The following INTS7 variants were observed in gnomAD, a reference collection of about 807,000 sequenced individuals.
The protein encoded by INTS7 is integrator complex subunit 7, also known as chromosome 1 open reading frame 73.
Under a neutral mutation model 109.2 loss-of-function variants are expected in INTS7, and 46 were observed. That is an observed-to-expected ratio of 0.42 (90% CI 0.33 to 0.54). INTS7 has a LOEUF of 0.54. Ranked by LOEUF, INTS7 falls within the 20% of genes least tolerant of loss-of-function variation. The pLI is 0.07. For synonymous variants in INTS7, 412 were observed against 402.9 expected (o/e 1.02, Z -0.27); for missense variants, 929 against 1,132.4 (o/e 0.82, Z 2.58).
In INTS7 at chr1:211,959,537, C is replaced by T. The variant is rs1318684205; in HGVS notation, c.2184-6836G>A. ...CTTTCCCTGGGCCCATGGCCACCCT[C>T]GACATTGCTTTGCCTGCGTGTGCAT... On this transcript the variant is annotated intron_variant, in intron 16 of 19. Transcript: ENST00000366994. The surrounding 1 kb of genome is among the most constrained non-coding windows in gnomAD (Gnocchi z 4.2). Among the ~76,000 whole-genome samples the T allele has an allele frequency of 1.3e-5, 2 of 152,198 alleles. No individual in the cohort carries two copies. The highest frequency in any genetic ancestry group is 2.4e-5 in the African/African-American group (1 of 41,444).
chr1:212,021,203 G>C lies in INTS7; in HGVS notation c.104C>G (p.Ser35Cys). 6.2e-7 allele frequency: 1 copy of C among 1,606,568 alleles called. No individual in the cohort carries two copies. Among genetic ancestry groups the C allele is most frequent in the African/African-American group, 1.3e-5 (1 of 74,430 alleles). ...ALMELDKGLR[S>C]GKLGEQCEAV... is the part of the protein sequence containing the mutation. ...TTCACACTGTTCACCAAGTTTGCCA[G>C]ATCTTAGGCCTATGGAAAAAAAAAA... Residue 35 changes from serine (S) to cysteine (C), a missense_variant, in exon 2 of 20, where the codon TCT becomes TGT. Transcript: ENST00000366994.
At position 211,944,942 on chromosome 1, in the gene INTS7, G is replaced by A; in HGVS notation, c.2443C>T (p.Pro815Ser). Residue 815 changes from proline (P) to serine (S), a missense_variant, in exon 19 of 20, where the codon CCT (proline) becomes TCT (serine). Coordinates refer to ENST00000366994, the MANE Select transcript of INTS7 (RefSeq NM_015434.4). ...TTCTGGACAGCAATGGGCTCTGCAG[G>A]ATTCCGGGGCGATGGTGACAGAGCA... is the stretch of plus-strand genomic sequence containing the variant. ...KLALSPSPRN[P>S]AEPIAVQNNQ... is the part of the protein sequence containing the mutation. 7 of 1,614,070 alleles carry A rather than the reference G, an allele frequency of 4.3e-6. No homozygotes were observed. The highest frequency in any genetic ancestry group is 5.9e-6 in the Non-Finnish European group (7 of 1,179,976).
At chr1:212,000,982 C>T (rs901199759) in intron 7 of INTS7, among the ~76,000 whole-genome samples, 2 of 152,136 alleles carry the variant, frequency 1.3e-5, no homozygotes, top group South Asian at 2.1e-4. Context: ...AACAAGTTTA[C>T]TCCTCCGAGG....
At chr1:211,973,898 C>T (rs908130048) in intron 13 of INTS7, among the ~76,000 whole-genome samples, 10 of 152,140 alleles carry the variant, frequency 6.6e-5, no homozygotes, top group Admixed American at 2.0e-4. Context: ...CCCAAAGTCA[C>T]GCTGTGTTAA....
chr1:212,007,464 A>G lies in INTS7; in HGVS notation c.557-15T>C. ...TGTCGCTAAACCTAGACACAAAAAT[A>G]ATTCTCAAGGTATTTGTGATCACCA... is the stretch of plus-strand genomic sequence containing the variant. On this transcript the variant is annotated splice_polypyrimidine_tract_variant and intron_variant, in intron 5 of 19. Transcript: ENST00000366994. 1 of 1,591,264 alleles carries G rather than the reference A, an allele frequency of 6.3e-7. No individual in the cohort carries two copies. The highest frequency in any genetic ancestry group is 8.6e-7 in the Non-Finnish European group (1 of 1,159,242).
At chr1:212,024,222 G>GT (rs969773122) in intron 1 of INTS7, among the ~76,000 whole-genome samples, 1,645 of 149,684 alleles carry the variant, frequency 0.011, 30 homozygotes, top group African/African-American at 0.037. Flanking sequence ...TTTTAGAAGA[G>GT]TTTTTTTTTT....
intron 18 of INTS7, 92 bp from the exon 19 acceptor site, chr1:211,945,061 C>G: frequency 1.6e-6 from 2 of 1,280,256 alleles, no homozygotes; most frequent in South Asian, 1.4e-5. Flanking sequence ...TACAGGTTAA[C>G]AAATTCGATT....
intron 16 of INTS7, among the ~76,000 whole-genome samples, chr1:211,957,584 C>T (rs958956783): frequency 7.2e-5 from 11 of 152,064 alleles, no homozygotes; most frequent in African/African-American, 2.2e-4. Flanking sequence ...AGTTGTATGG[C>T]GTTCTTAATA....
chr1:212,000,454 G>A (rs774211780), intron 7 of INTS7, among the ~76,000 whole-genome samples: 2 of 151,894 alleles, frequency 1.3e-5, no homozygotes, highest in Admixed American at 6.6e-5. Context: ...TATAGAAAGA[G>A]AAACTTCCCA....
At chr1:211,969,095 T>G (rs1247045389) in intron 13 of INTS7, among the ~76,000 whole-genome samples, 1 of 151,976 alleles carries the variant, frequency 6.6e-6, no homozygotes, top group African/African-American at 2.4e-5. Flanking sequence ...CCACCCTGGC[T>G]AACATGGTGA....
chr1:211,987,239 G>C (rs1383947446), intron 8 of INTS7, among the ~76,000 whole-genome samples: 1 of 151,980 alleles, frequency 6.6e-6, no homozygotes, highest in East Asian at 1.9e-4. Flanking sequence ...GGGGGTTGTA[G>C]TAAGCCAAGA....
intron 4 of INTS7, among the ~76,000 whole-genome samples, chr1:212,014,824 C>T (rs1234830185): frequency 6.6e-6 from 1 of 152,232 alleles, no homozygotes; most frequent in Non-Finnish European, 1.5e-5. Context: ...GGATTGCAGA[C>T]GGAGTCTCGC....
At chr1:212,021,017 A>G in intron 2 of INTS7, 66 bp downstream of exon 2, 1 of 1,442,202 alleles carries the variant, frequency 6.9e-7, no homozygotes, top group Non-Finnish European at 9.4e-7. Flanking sequence ...AAAGAAAAAG[A>G]CCACAATATA....
At chr1:211,968,763 G>A in intron 13 of INTS7, 56 bp from the exon 14 acceptor site, 5 of 1,365,904 alleles carry the variant, frequency 3.7e-6, no homozygotes, top group Non-Finnish European at 4.0e-6. Context: ...ACAGTGAGAT[G>A]GGGCAGTACC....
intron 1 of INTS7, among the ~76,000 whole-genome samples, chr1:212,030,236 T>G (rs1003919221): frequency 3.9e-5 from 6 of 152,266 alleles, no homozygotes; most frequent in African/African-American, 1.4e-4. Context: ...TGCTGGTTTT[T>G]ATGTTGCATT....
chr1:212,020,000 T>C, intron 3 of INTS7, 122 bp downstream of exon 3: 1 of 653,924 alleles, frequency 1.5e-6, no homozygotes, highest in Non-Finnish European at 2.4e-6. Flanking sequence ...GCCTTGACTC[T>C]TAGTCAAAAA....
intron 8 of INTS7, 35 bp downstream of exon 8, chr1:211,987,851 C>T (rs1206694099): frequency 8.4e-7 from 1 of 1,188,608 alleles, no homozygotes; most frequent in Admixed American, 2.0e-5. Context: ...GGAGTTAGCA[C>T]ATTATTTATA....
chr1:212,019,080 T>C (rs1326005282), intron 3 of INTS7, among the ~76,000 whole-genome samples: 1 of 152,064 alleles, frequency 6.6e-6, no homozygotes, highest in Non-Finnish European at 1.5e-5. Flanking sequence ...TGAAATGCTG[T>C]CTCTACTAAA....
At chr1:211,944,538 T>G (rs1462487944) in intron 19 of INTS7, among the ~76,000 whole-genome samples, 1 of 152,192 alleles carries the variant, frequency 6.6e-6, no homozygotes, top group Non-Finnish European at 1.5e-5. Context: ...TTCCCACAGC[T>G]CCAACAGTAA....
Sources: gnomAD v4.1 joint callset for allele counts (sites outside exome capture counted in the v4.1 genomes callset) on GRCh38, gnomAD v4.1.1 for gene constraint, Gnocchi (gnomAD v3.1) non-coding constraint, MANE v1.5 for transcripts, NCBI Gene and HGNC (gene_info 2026-07-23, HGNC 2026-07-21) for gene names.